CEP89: variants seen among roughly 807,000 people sequenced by gnomAD.
CEP89 encodes the protein centrosomal protein 89.
In CEP89, 95 loss-of-function variants were observed where a neutral mutation model predicts 97.6. The observed-to-expected ratio is 0.97, with a 90% CI of 0.82 to 1.15. CEP89 has a LOEUF of 1.15. Ranked by LOEUF, CEP89 falls within the 50% of genes most tolerant of loss-of-function variation. The pLI, the probability that CEP89 is intolerant of heterozygous loss-of-function variation, is 0.00. For missense variants in CEP89, 869 were observed against 947.7 expected (o/e 0.92, Z 1.09); for synonymous variants, 354 against 349.1 (o/e 1.01, Z -0.16).
chr19:32,951,880 A>G (rs777466767), intron 4 of CEP89, among the ~76,000 whole-genome samples: 28 of 152,062 alleles, frequency 1.8e-4, no homozygotes, highest in Non-Finnish European at 3.4e-4. Flanking sequence ...CTTCCAAGGG[A>G]AATATTGTAG....
chr19:32,885,455 G>A (rs1013408598), intron 17 of CEP89, among the ~76,000 whole-genome samples: 26 of 152,214 alleles, frequency 1.7e-4, no homozygotes, highest in African/African-American at 6.3e-4. Flanking sequence ...CGAGTAGCTG[G>A]GACTACAGGC....
At chr19:32,897,689 G>C (rs1969672465) in intron 16 of CEP89, among the ~76,000 whole-genome samples, 1 of 152,072 alleles carries the variant, frequency 6.6e-6, no homozygotes, top group Non-Finnish European at 1.5e-5. Context: ...AGCCTCCTGA[G>C]TAGCTGAAAC....
chr19:32,906,249 C>T (rs1442454057), intron 14 of CEP89, among the ~76,000 whole-genome samples: 5 of 152,086 alleles, frequency 3.3e-5, no homozygotes, highest in East Asian at 1.9e-4. Context: ...GTTTTCTATT[C>T]GCCCCTTGCC....
At chr19:32,891,882 TAAA>T in intron 16 of CEP89, among the ~76,000 whole-genome samples, 1 of 142,748 alleles carries the variant, frequency 7.0e-6, no homozygotes, top group Non-Finnish European at 1.6e-5. Flanking sequence ...AGAGAAAAAT[TAAA>T]AAAAAAAATG....
At chr19:32,923,725 C>A (rs536293630) in intron 11 of CEP89, among the ~76,000 whole-genome samples, 183 bp from the exon 12 acceptor site, 1 of 152,214 alleles carries the variant, frequency 6.6e-6, no homozygotes, top group Non-Finnish European at 1.5e-5. Context: ...AGCTTACGGT[C>A]TAGTGAGAAA....
At chr19:32,946,326 G>A (rs182325376) in intron 5 of CEP89, among the ~76,000 whole-genome samples, 1 of 152,188 alleles carries the variant, frequency 6.6e-6, no homozygotes, top group East Asian at 1.9e-4. Context: ...AAGTCATTGT[G>A]TGTGTTCTGA....
At chr19:32,953,280 T>C (rs1970964060) in intron 4 of CEP89, among the ~76,000 whole-genome samples, 1 of 151,460 alleles carries the variant, frequency 6.6e-6, no homozygotes, top group African/African-American at 2.4e-5. Flanking sequence ...GGCATGAATT[T>C]AAAGAAAGGC....
At chr19:32,959,322 A>G (rs894878448) in intron 3 of CEP89, among the ~76,000 whole-genome samples, 1 of 152,164 alleles carries the variant, frequency 6.6e-6, no homozygotes, top group African/African-American at 2.4e-5. Context: ...CTAGCCCTTG[A>G]GCTGTTCCTA....
Position 32,971,916 on chromosome 19 carries a change from A to C in CEP89, c.-42T>G. ...GAATGGACCGGGGCCTGGACTCATC[A>C]GCAGATCTATCCACAGCCAGGGACC... On this transcript the variant is annotated 5_prime_UTR_variant, in exon 1 of 19. Transcript: ENST00000305768. 1 of 1,567,434 alleles carries C rather than the reference A, an allele frequency of 6.4e-7. No individual in the cohort carries two copies. The highest frequency in any genetic ancestry group is 8.7e-7 in the Non-Finnish European group (1 of 1,154,736).
intron 14 of CEP89, among the ~76,000 whole-genome samples, chr19:32,905,279 T>C (rs1385042136): frequency 6.6e-6 from 1 of 152,236 alleles, no homozygotes; most frequent in Non-Finnish European, 1.5e-5. Context: ...GTTTTACATC[T>C]ACATTCATAA....
rs1286332950 is a variant in CEP89, at chr19:32,887,737, C to A, written c.1965+15G>T. The A allele has an allele frequency of 2.6e-6, 4 of 1,556,896 alleles. No homozygotes were observed. In the African/African-American group the frequency reaches 5.4e-5, roughly 21 times the overall value. ...CATCTGAAAATGAAATCTCTGAGGCCAAATAACCACTTACCTTGACTTTTT... is the reference window on the plus strand; with the variant it reads ...CATCTGAAAATGAAATCTCTGAGGCAAAATAACCACTTACCTTGACTTTTT... On this transcript the variant is annotated intron_variant, in intron 17 of 18. Coordinates refer to ENST00000305768, the MANE Select transcript of CEP89 (RefSeq NM_032816.5).
chr19:32,956,812 T>A (rs1349482210), intron 3 of CEP89, among the ~76,000 whole-genome samples: 1 of 152,274 alleles, frequency 6.6e-6, no homozygotes, highest in Non-Finnish European at 1.5e-5. Flanking sequence ...AAGGTTTTTT[T>A]ACTTTCTAAA....
intron 13 of CEP89, among the ~76,000 whole-genome samples, chr19:32,916,227 G>A (rs1027389137): frequency 3.3e-5 from 5 of 152,084 alleles, no homozygotes; most frequent in Non-Finnish European, 5.9e-5. Context: ...ATAGTGAGCC[G>A]TGACTGGGCC....
chr19:32,932,130 GA>G (rs1970489187), intron 8 of CEP89, among the ~76,000 whole-genome samples: 1 of 148,954 alleles, frequency 6.7e-6, no homozygotes, highest in African/African-American at 2.5e-5. Context: ...GCAGTGAGCC[GA>G]AATCACGCCA....
chr19:32,879,214 TC>T lies in CEP89; in HGVS notation c.2299del (p.Asp767ThrfsTer10). Reference sequence around the variant, plus strand: ...GTCATAGGAGCAGACATCGCAGCCGTCCAGCAGGTCTGCCTGAGAGACGCCA... The same window carrying T: ...GTCATAGGAGCAGACATCGCAGCCGTCAGCAGGTCTGCCTGAGAGACGCCA... The part of the protein sequence containing the change: ...LNGVSQADLL[D>X]GCDVCSYDLK... On this transcript the variant is annotated frameshift_variant, in exon 19 of 19. Coordinates refer to ENST00000305768, the MANE Select transcript of CEP89 (RefSeq NM_032816.5). LOFTEE classifies it low-confidence loss of function (END_TRUNC). 3 of 1,614,112 alleles carry T rather than the reference TC, an allele frequency of 1.9e-6. No individual in the cohort carries two copies. The highest frequency in any genetic ancestry group is 2.5e-6 in the Non-Finnish European group (3 of 1,180,006).
chr19:32,883,029 T>G (rs1969317607), intron 17 of CEP89, among the ~76,000 whole-genome samples: 1 of 151,932 alleles, frequency 6.6e-6, no homozygotes, highest in African/African-American at 2.4e-5. Context: ...TGGTTAATTT[T>G]TTTGTATTTT....
In CEP89 at chr19:32,878,824, TG is replaced by T. The variant is rs1414878622; in HGVS notation, c.*337del. On this transcript the variant is annotated 3_prime_UTR_variant, in exon 19 of 19. Transcript: ENST00000305768. Reference sequence around the variant, plus strand: ...CTCAACAAAAAAGAAAAAAATTAGCTGGGCCTGACAGTGCACACCTGAGGTC... The same window carrying T: ...CTCAACAAAAAAGAAAAAAATTAGCTGGCCTGACAGTGCACACCTGAGGTC... The T allele has an allele frequency of 9.7e-6, 2 of 205,260 alleles. No individual in the cohort carries two copies. Among genetic ancestry groups the T allele is most frequent in the Non-Finnish European group, 1.9e-5 (2 of 103,194 alleles). The allele number at this position is 205,260 out of a possible 1,614,324, so 12.7% of individuals were successfully genotyped here.
In CEP89 at chr19:32,966,439, C is replaced by T. The variant is rs1458816851; in HGVS notation, c.67G>A (p.Ala23Thr). 6.4e-7 allele frequency: 1 copy of T among 1,562,524 alleles called. No homozygotes were observed. Reference sequence around the variant, plus strand: ...GCTGCCTTCGGAGCAACGCTGGCTGCAGGTAAAAGGCCATGGATGATGTGT... The same window carrying T: ...GCTGCCTTCGGAGCAACGCTGGCTGTAGGTAAAAGGCCATGGATGATGTGT... ...FKHIIHGLLP[A>T]ASVAPKAAVP... The change falls in exon 2 of 19, where the codon GCA becomes ACA. Residue 23 changes from alanine (A) to threonine (T), a missense_variant. Ala to Thr is a moderately conservative substitution (Grantham distance 58, BLOSUM62 0). Transcript: ENST00000305768.
chr19:32,895,072 C>T (rs181074411), intron 16 of CEP89, among the ~76,000 whole-genome samples: 324 of 152,274 alleles, frequency 2.1e-3, no homozygotes, highest in Middle Eastern at 3.4e-3. Flanking sequence ...AATACAAATT[C>T]TCCTCAAACT....
Sources: gnomAD v4.1 joint callset for allele counts (sites outside exome capture counted in the v4.1 genomes callset) on GRCh38, gnomAD v4.1.1 for gene constraint, MANE v1.5 for transcripts, NCBI Gene and HGNC (gene_info 2026-07-23, HGNC 2026-07-21) for gene names.